CCDC148: variants seen among roughly 807,000 people sequenced by gnomAD.
CCDC148 encodes the protein coiled-coil domain containing 148, also known as coiled-coil domain-containing protein 148.
A neutral mutation model predicts 85.7 loss-of-function variants in CCDC148; 89 were observed. That is an observed-to-expected ratio of 1.04 (90% CI 0.87 to 1.24). The LOEUF is 1.24. CCDC148 is among the 50% of genes most tolerant of loss of function. The pLI is 0.00. For missense variants in CCDC148, 692 were observed against 671.7 expected (o/e 1.03, Z -0.33); for synonymous variants, 230 against 213.9 (o/e 1.08, Z -0.66).
At chr2:158,453,281 T>C (rs1688476733) in intron 1 of CCDC148, among the ~76,000 whole-genome samples, 2 of 152,162 alleles carry the variant, frequency 1.3e-5, no homozygotes. Flanking sequence ...GAACTCACCC[T>C]CTCAAGAAGG....
intron 1 of CCDC148, among the ~76,000 whole-genome samples, chr2:158,395,753 C>T (rs1298781085): frequency 1.3e-5 from 2 of 152,158 alleles, no homozygotes; most frequent in African/African-American, 4.8e-5. Context: ...ACACCCCACA[C>T]TGCCCCTTGC....
At chr2:158,353,581 T>A in intron 2 of CCDC148, among the ~76,000 whole-genome samples, 1 of 151,828 alleles carries the variant, frequency 6.6e-6, no homozygotes, top group Non-Finnish European at 1.5e-5. Flanking sequence ...ATAAAGCAAG[T>A]CCTGAGTGAC....
Position 158,172,076 on chromosome 2 carries a change from A to G in CCDC148, c.*37T>C, listed in dbSNP as rs765699812. ...ATTATCCATATACATGTTTTCAAAGAAAAATGCTCTTTACATATAGAATTT... is the reference window on the plus strand; with the variant it reads ...ATTATCCATATACATGTTTTCAAAGGAAAATGCTCTTTACATATAGAATTT... On this transcript the variant is annotated 3_prime_UTR_variant, in exon 14 of 14. Coordinates refer to ENST00000283233, the MANE Select transcript of CCDC148 (RefSeq NM_138803.4). 6.9e-7 allele frequency: 1 copy of G among 1,457,822 alleles called. No individual in the cohort carries two copies. The highest frequency in any genetic ancestry group is 1.3e-5 in the South Asian group (1 of 74,816). 90.3% of individuals were successfully genotyped at this position (1,457,822 alleles called of 1,614,324 possible). A position where few individuals can be genotyped will look rare whatever the true frequency, so the allele number is the denominator to read the frequency against.
At chr2:158,411,099 T>C (rs1202851111) in intron 1 of CCDC148, among the ~76,000 whole-genome samples, 2 of 152,152 alleles carry the variant, frequency 1.3e-5, no homozygotes, top group Non-Finnish European at 2.9e-5. Flanking sequence ...TGTGATTCCT[T>C]TTCTGTTTGC....
intron 7 of CCDC148, among the ~76,000 whole-genome samples, chr2:158,319,934 T>A (rs1465670501): frequency 6.6e-6 from 1 of 152,146 alleles, no homozygotes; most frequent in Non-Finnish European, 1.5e-5. Context: ...GAAGACAAGA[T>A]CATCTAGAAA....
At chr2:158,216,885 G>C (rs907485008) in intron 11 of CCDC148, among the ~76,000 whole-genome samples, 2 of 152,118 alleles carry the variant, frequency 1.3e-5, no homozygotes, top group African/African-American at 2.4e-5. Flanking sequence ...TACATTCAAT[G>C]TATCATTTGA....
At chr2:158,249,907 G>T (rs1473890231) in intron 10 of CCDC148, among the ~76,000 whole-genome samples, 2 of 152,116 alleles carry the variant, frequency 1.3e-5, no homozygotes, top group African/African-American at 2.4e-5. Flanking sequence ...CCAAAGAAAA[G>T]ATTTTTTTTA....
chr2:158,229,262 C>T (rs546647874), intron 10 of CCDC148, among the ~76,000 whole-genome samples: 1 of 152,278 alleles, frequency 6.6e-6, no homozygotes, highest in South Asian at 2.1e-4. Context: ...TTCCAATCAT[C>T]CTCTGGGCTC....
chr2:158,234,233 T>G (rs938943757), intron 10 of CCDC148, among the ~76,000 whole-genome samples: 1 of 152,102 alleles, frequency 6.6e-6, no homozygotes, highest in African/African-American at 2.4e-5. Context: ...TATGCAAAGA[T>G]GGAAAAACTC....
intron 11 of CCDC148, among the ~76,000 whole-genome samples, chr2:158,213,467 T>C (rs902132997): frequency 1.3e-5 from 2 of 152,170 alleles, no homozygotes; most frequent in Admixed American, 6.5e-5. Context: ...AAAGCAATAA[T>C]TGGCAAATAC....
chr2:158,305,571 C>T lies in CCDC148; in HGVS notation c.1110+3862G>A, dbSNP rs370188914. Among the ~76,000 whole-genome samples, 13 of 152,094 alleles carry T rather than the reference C, an allele frequency of 8.5e-5. 2 individuals carry two copies. Among genetic ancestry groups the T allele is most frequent in the Admixed American group, 6.5e-4 (10 of 15,284 alleles). ...GACCAGCCTGGGCAACATAGCAAGA[C>T]CCTGTCTCTACAAAATATTGAAAAA... On this transcript the variant is annotated intron_variant, in intron 9 of 13. Transcript: ENST00000283233.
At chr2:158,338,667 A>C (rs1682511654) in intron 7 of CCDC148, 59 bp downstream of exon 7, 1 of 1,304,038 alleles carries the variant, frequency 7.7e-7, no homozygotes, top group Non-Finnish European at 1.1e-6. Context: ...TAGTGATCCC[A>C]AACAAAAATA....
chr2:158,432,781 A>G (rs1687413213), intron 1 of CCDC148, among the ~76,000 whole-genome samples: 1 of 152,016 alleles, frequency 6.6e-6, no homozygotes, highest in African/African-American at 2.4e-5. Flanking sequence ...AAAATAAATT[A>G]CAGGAAAAGA....
chr2:158,225,337 C>G (rs1331753086), intron 10 of CCDC148, among the ~76,000 whole-genome samples: 2 of 152,150 alleles, frequency 1.3e-5, no homozygotes, highest in African/African-American at 2.4e-5. Flanking sequence ...GAGACTTAGA[C>G]TCCCACACAA....
chr2:158,446,890 C>T (rs66477916), intron 1 of CCDC148, among the ~76,000 whole-genome samples: 53,325 of 151,910 alleles, frequency 0.35, 10,451 homozygotes, highest in Middle Eastern at 0.47. Context: ...CTGGCTTTTT[C>T]TCTCTTGGCA....
In CCDC148 at chr2:158,279,384, T is replaced by C. The variant is rs373975925; in HGVS notation, c.1111-28472A>G. 5.9e-5 allele frequency among the ~76,000 whole-genome samples: 9 copies of C among 151,992 alleles called. No homozygotes were observed. In the South Asian group the frequency reaches 1.7e-3, roughly 28 times the overall value. ...AAGAAGTTAAAAACTTTGAAAAAAA[T>C]TTAGATGAATGTATAACAAGAATAA... On this transcript the variant is annotated intron_variant, in intron 9 of 13. Transcript: ENST00000283233.
chr2:158,448,157 T>C (rs1343035632), intron 1 of CCDC148, among the ~76,000 whole-genome samples: 1 of 152,272 alleles, frequency 6.6e-6, no homozygotes, highest in East Asian at 1.9e-4. Flanking sequence ...CTCTGCCTTG[T>C]CATCTTTGCT....
At chr2:158,198,907 C>T (rs1685810294) in intron 11 of CCDC148, among the ~76,000 whole-genome samples, 1 of 152,142 alleles carries the variant, frequency 6.6e-6, no homozygotes, top group Non-Finnish European at 1.5e-5. Context: ...GGAAATCAAA[C>T]AAACCTTGAT....
chr2:158,306,844 A>G (rs1319386473), intron 9 of CCDC148, among the ~76,000 whole-genome samples: 2 of 146,584 alleles, frequency 1.4e-5, no homozygotes, highest in African/African-American at 5.0e-5. Context: ...AAAAAAAAAC[A>G]CTAAAAAAAA....
Sources: allele counts gnomAD v4.1 joint callset (sites outside exome capture counted in the v4.1 genomes callset), GRCh38; gene constraint gnomAD v4.1.1; transcripts MANE v1.5; gene names NCBI Gene and HGNC (gene_info 2026-07-23, HGNC 2026-07-21).